B4GALNT3: variants seen among roughly 807,000 people sequenced by gnomAD.
The protein encoded by B4GALNT3 is beta-1,4-N-acetylgalactosaminyltransferase 3.
In B4GALNT3, 86 loss-of-function variants were observed where a neutral mutation model predicts 120.2. That is an observed-to-expected ratio of 0.72 (90% CI 0.60 to 0.86). B4GALNT3 has a LOEUF of 0.86. Among genes scored for constraint, B4GALNT3 ranks in the 40% least tolerant of loss-of-function variants. The pLI, the probability that B4GALNT3 is intolerant of heterozygous loss-of-function variation, is 0.00. For missense variants in B4GALNT3, 1,167 were observed against 1,298.9 expected (o/e 0.90, Z 1.56); for synonymous variants, 518 against 510.4 (o/e 1.01, Z -0.20).
chr12:463,670 C>G (rs78783790), intron 1 of B4GALNT3, among the ~76,000 whole-genome samples: 2 of 152,148 alleles, frequency 1.3e-5, no homozygotes, highest in Admixed American at 1.3e-4. Flanking sequence ...GGGGGCACAG[C>G]TCTCCCAACT....
At position 551,472 on chromosome 12, in the gene B4GALNT3, TGC is replaced by T. The variant is rs1947082311; in HGVS notation, c.1107+443_1107+444del. 3.9e-5 allele frequency among the ~76,000 whole-genome samples: 6 copies of T among 152,220 alleles called. No homozygotes were observed. The South Asian group carries it at 1.2e-3, about 32-fold the overall frequency. ...TTAGCTTTAAAGAACCCAGAACCCATGCGGAAGCCAGACAGGCAGCGTGGCCA... is the reference window on the plus strand; with the variant it reads ...TTAGCTTTAAAGAACCCAGAACCCATGGAAGCCAGACAGGCAGCGTGGCCA... On this transcript the variant is annotated intron_variant, in intron 11 of 19. Coordinates refer to ENST00000266383, the MANE Select transcript of B4GALNT3 (RefSeq NM_173593.4).
At chr12:512,392 T>C (rs2120587806) in intron 1 of B4GALNT3, among the ~76,000 whole-genome samples, 2 of 110,422 alleles carry the variant, frequency 1.8e-5, no homozygotes, top group African/African-American at 8.5e-5. Flanking sequence ...TTCCACCTTC[T>C]TCCACCTTTG....
At chr12:499,255 A>G (rs553454294) in intron 1 of B4GALNT3, among the ~76,000 whole-genome samples, 1 of 152,396 alleles carries the variant, frequency 6.6e-6, no homozygotes, top group African/African-American at 2.4e-5. Flanking sequence ...AGATCCATGC[A>G]GGTAGCTTCA....
chr12:558,113 G>A (rs750253873), intron 17 of B4GALNT3, 25 bp downstream of exon 17: 42 of 1,609,476 alleles, frequency 2.6e-5, no homozygotes, highest in Admixed American at 1.7e-4. Context: ...TGGGGCCTGC[G>A]AGATGGAATT....
At chr12:559,987 G>T (rs781755921) in intron 19 of B4GALNT3, among the ~76,000 whole-genome samples, 2 of 152,198 alleles carry the variant, frequency 1.3e-5, no homozygotes, top group African/African-American at 2.4e-5. Flanking sequence ...AAGCCTCAGA[G>T]AAGAACACAG....
At chr12:489,963 CT>C (rs1330905691) in intron 1 of B4GALNT3, among the ~76,000 whole-genome samples, 1 of 152,182 alleles carries the variant, frequency 6.6e-6, no homozygotes, top group Non-Finnish European at 1.5e-5. Flanking sequence ...AGAAAGATAA[CT>C]GGAAAGTCCT....
intron 1 of B4GALNT3, among the ~76,000 whole-genome samples, chr12:462,309 T>C (rs1946029701): frequency 6.6e-6 from 1 of 151,618 alleles, no homozygotes; most frequent in East Asian, 1.9e-4. Context: ...GCAGTTGCTT[T>C]GTGACCTTGG....
intron 1 of B4GALNT3, among the ~76,000 whole-genome samples, chr12:489,310 C>T (rs917823532): frequency 1.2e-4 from 17 of 141,222 alleles, no homozygotes; most frequent in African/African-American, 4.6e-4. Context: ...ATGTTCTGCA[C>T]ATGTATCCCA....
chr12:554,664 C>T (rs367877602), intron 14 of B4GALNT3, among the ~76,000 whole-genome samples: 4 of 150,504 alleles, frequency 2.7e-5, no homozygotes, highest in South Asian at 4.3e-4. Flanking sequence ...GTGGCGGGCG[C>T]CTGTAGTCCC....
intron 3 of B4GALNT3, among the ~76,000 whole-genome samples, chr12:539,066 T>C (rs973424339): frequency 6.6e-6 from 1 of 152,180 alleles, no homozygotes; most frequent in Admixed American, 6.5e-5. Context: ...AAGATGACGA[T>C]GGCCTCCTCT....
chr12:487,107 T>C (rs1946296943), intron 1 of B4GALNT3, among the ~76,000 whole-genome samples: 1 of 152,144 alleles, frequency 6.6e-6, no homozygotes, highest in Non-Finnish European at 1.5e-5. Flanking sequence ...ATCTCTGAGC[T>C]TTAGGATATG....
intron 1 of B4GALNT3, among the ~76,000 whole-genome samples, chr12:473,886 A>G (rs572856097): frequency 6.6e-6 from 1 of 152,282 alleles, no homozygotes; most frequent in South Asian, 2.1e-4. Flanking sequence ...TTGGGAAGAA[A>G]AAGAAGCAAT....
chr12:557,769 G>C lies in B4GALNT3; in HGVS notation c.2534+8G>C, dbSNP rs777676066. ...GAGGTCCAAGCTGCGGAGGTGAGGGGGACCACCAGCCAGGGGGTGGCATGG... is the reference window on the plus strand; with the variant it reads ...GAGGTCCAAGCTGCGGAGGTGAGGGCGACCACCAGCCAGGGGGTGGCATGG... On this transcript the variant is annotated splice_region_variant and intron_variant, in intron 16 of 19. Transcript: ENST00000266383. 1 of 1,597,622 alleles carries C rather than the reference G, an allele frequency of 6.3e-7. No homozygotes were observed. Among genetic ancestry groups the C allele is most frequent in the Non-Finnish European group, 8.5e-7 (1 of 1,174,848 alleles).
chr12:523,740 C>T (rs1219037513), intron 1 of B4GALNT3, among the ~76,000 whole-genome samples: 1 of 152,308 alleles, frequency 6.6e-6, no homozygotes, highest in Non-Finnish European at 1.5e-5. Flanking sequence ...TAAGAATAAA[C>T]TAAGAATGTG....
At position 463,763 on chromosome 12, in the gene B4GALNT3, CAGAA is replaced by C. The variant is rs1398083979; in HGVS notation, c.169+3222_169+3225del. On this transcript the variant is annotated intron_variant, in intron 1 of 19. Coordinates refer to ENST00000266383, the MANE Select transcript of B4GALNT3 (RefSeq NM_173593.4). ...GTGGATACAGAAAGGCTATTCGAGA[CAGAA>C]AGAGTTACGTCAACAAAGACCAAGA... 2.6e-5 allele frequency among the ~76,000 whole-genome samples: 4 copies of C among 152,098 alleles called. No individual in the cohort carries two copies. The East Asian group carries it at 5.8e-4, about 22-fold the overall frequency.
chr12:520,785 C>T (rs527488602), intron 1 of B4GALNT3, among the ~76,000 whole-genome samples: 17 of 152,310 alleles, frequency 1.1e-4, no homozygotes, highest in South Asian at 4.1e-4. Context: ...AGCGAGACTC[C>T]GTCTCAAATA....
intron 1 of B4GALNT3, among the ~76,000 whole-genome samples, chr12:498,224 G>A (rs1226066194): frequency 1.3e-5 from 2 of 152,092 alleles, no homozygotes; most frequent in African/African-American, 2.4e-5. Context: ...TGCGTATCAT[G>A]AAGCCAGCCT....
At chr12:553,132 T>G (rs571243983) in intron 13 of B4GALNT3, 62 bp from the exon 14 acceptor site, 1 of 1,581,364 alleles carries the variant, frequency 6.3e-7, no homozygotes, top group South Asian at 1.2e-5. Flanking sequence ...CTCTGTCTTG[T>G]ATGTCTTGTT....
At chr12:522,121 C>T (rs1946716641) in intron 1 of B4GALNT3, among the ~76,000 whole-genome samples, 1 of 152,236 alleles carries the variant, frequency 6.6e-6, no homozygotes, top group Admixed American at 6.5e-5. Flanking sequence ...CCTGGCCTCC[C>T]TTGGCCTGCA....
Sources: allele counts gnomAD v4.1 joint callset (sites outside exome capture counted in the v4.1 genomes callset), GRCh38; gene constraint gnomAD v4.1.1; transcripts MANE v1.5; gene names NCBI Gene and HGNC (gene_info 2026-07-23, HGNC 2026-07-21).